The following AKAP13 variants were observed in gnomAD, a reference collection of about 807,000 sequenced individuals.
The protein encoded by AKAP13 is A-kinase anchoring protein 13.
A neutral mutation model predicts 264.5 loss-of-function variants in AKAP13; 80 were observed. The ratio of observed to expected loss-of-function variants is 0.30; its 90% CI spans 0.25 to 0.36. The LOEUF (loss-of-function observed/expected upper bound fraction) is 0.36, where lower values mean the gene tolerates loss of function less well. Ranked by LOEUF, AKAP13 falls within the 10% of genes least tolerant of loss-of-function variation. The pLI, the probability that AKAP13 is intolerant of heterozygous loss-of-function variation, is 1.00. For missense variants in AKAP13, 3,712 were observed against 3,435.2 expected (o/e 1.08, Z -2.01); for synonymous variants, 1,380 against 1,250.2 (o/e 1.10, Z -2.19).
chr15:85,417,605 G>A (rs907043353), intron 1 of AKAP13, among the ~76,000 whole-genome samples: 23 of 152,176 alleles, frequency 1.5e-4, no homozygotes, highest in African/African-American at 5.6e-4. Flanking sequence ...GATAAACTTT[G>A]TGAGATACTT....
intron 1 of AKAP13, among the ~76,000 whole-genome samples, chr15:85,454,645 G>GT (rs1028703534): frequency 1.3e-4 from 20 of 151,964 alleles, no homozygotes; most frequent in African/African-American, 4.8e-4. Flanking sequence ...CGTTTAAACT[G>GT]TTTAAAAAAA....
chr15:85,459,441 T>C (rs4843060), intron 1 of AKAP13, among the ~76,000 whole-genome samples: 120,734 of 149,724 alleles, frequency 0.81, 49,228 homozygotes, highest in African/African-American at 0.91. Context: ...TCAAGTGATC[T>C]GCCCGCCTTG....
intron 1 of AKAP13, among the ~76,000 whole-genome samples, chr15:85,466,831 G>T (rs1348986271): frequency 6.6e-6 from 1 of 152,158 alleles, no homozygotes; most frequent in Non-Finnish European, 1.5e-5. Context: ...GAAACTTAAA[G>T]ATCCTTTGAT....
At chr15:85,593,440 A>G (rs56292503) in intron 8 of AKAP13, among the ~76,000 whole-genome samples, 2,947 of 151,906 alleles carry the variant, frequency 0.019, 101 homozygotes, top group African/African-American at 0.068. Flanking sequence ...GGGTCTTGCT[A>G]TGTTGCAGAT....
intron 4 of AKAP13, among the ~76,000 whole-genome samples, chr15:85,540,248 G>A (rs750910335): frequency 4.6e-5 from 7 of 152,132 alleles, no homozygotes; most frequent in Non-Finnish European, 8.8e-5. Flanking sequence ...GGCTAGTGCT[G>A]TCCTCCACAG....
Position 85,579,699 on chromosome 15 carries a change from A to G in AKAP13, c.1631A>G (p.Asp544Gly), listed in dbSNP as rs2079117165. The change falls in exon 7 of 37, where the codon GAT becomes GGT. Residue 544 changes from aspartate to glycine, a missense_variant. By Grantham distance (94) the Asp-to-Gly change is moderately conservative. Transcript: ENST00000394518. ...TGTGCCCCTGCTGCCAGTTCCCTGGATGGTAACAAACCTGCTGAGTCTTCA... is the reference window on the plus strand; with the variant it reads ...TGTGCCCCTGCTGCCAGTTCCCTGGGTGGTAACAAACCTGCTGAGTCTTCA... ...PNCAPAASSL[D>G]GNKPAESSLA... is the part of the protein sequence containing the mutation. The G allele has an allele frequency of 6.2e-7, 1 of 1,614,138 alleles. No individual in the cohort carries two copies. Among genetic ancestry groups the G allele is most frequent in the Admixed American group, 1.7e-5 (1 of 60,014 alleles).
In AKAP13 at chr15:85,727,521, C is replaced by G; in HGVS notation, c.7087+58C>G. 1 of 1,583,476 alleles carries G rather than the reference C, an allele frequency of 6.3e-7. No individual in the cohort carries two copies. The highest frequency in any genetic ancestry group is 2.3e-5 in the East Asian group (1 of 43,862). On this transcript the variant is annotated intron_variant, in intron 29 of 36. Coordinates refer to ENST00000394518, the MANE Select transcript of AKAP13 (RefSeq NM_007200.5). This position sits in a 1 kb window ranked among gnomAD's most constrained non-coding sequence, Gnocchi z 5.3. ...CTGGAATGTCTGCAGTTGCAGAAGA[C>G]TGCTGGTGGATTTTAGAGGTACGGG...
chr15:85,527,959 T>C (rs2077131028), intron 3 of AKAP13, among the ~76,000 whole-genome samples: 1 of 152,254 alleles, frequency 6.6e-6, no homozygotes. Flanking sequence ...GGGACTGGGC[T>C]TGGCTGGCCC....
At chr15:85,500,554 C>A (rs905544904) in intron 2 of AKAP13, among the ~76,000 whole-genome samples, 24 of 152,130 alleles carry the variant, frequency 1.6e-4, no homozygotes, top group African/African-American at 5.8e-4. Flanking sequence ...ACATTGGGAA[C>A]ATTTATTTAT....
At chr15:85,697,521 G>A (rs774515926) in intron 17 of AKAP13, among the ~76,000 whole-genome samples, 30 of 151,990 alleles carry the variant, frequency 2.0e-4, no homozygotes, top group Non-Finnish European at 4.1e-4. Context: ...GTGAGCTGAG[G>A]TCGCGCCACT....
chr15:85,723,177 T>A lies in AKAP13; in HGVS notation c.6602T>A (p.Leu2201His), dbSNP rs747869813. Residue 2201 changes from leucine (L) to histidine (H), a missense_variant, in exon 26 of 37, where the codon CTC becomes CAC. This residue lies in a region of AKAP13 where 342 missense variants were observed against 484.3 expected (regional missense o/e 0.71). Transcript: ENST00000394518. ...KVASYEKKVR[L>H]NEIYTKTDSK... ...GCAAGTTATGAAAAGAAAGTGCGTC[T>A]CAATGAGATTTATACAAAGACAGAT... The A allele has an allele frequency of 6.2e-7, 1 of 1,614,194 alleles. No homozygotes were observed. The highest frequency in any genetic ancestry group is 1.1e-5 in the South Asian group (1 of 91,086).
At position 85,719,186 on chromosome 15, in the gene AKAP13, C is replaced by T. The variant is rs765296083; in HGVS notation, c.6112C>T (p.Leu2038=). Residue 2038 remains leucine (L), a synonymous_variant, in exon 23 of 37, where the codon CTG becomes TTG. Coordinates refer to ENST00000394518, the MANE Select transcript of AKAP13 (RefSeq NM_007200.5). ...LLFEQQMVEK[L]FPCLDELISI... ...TTTTGAGCAGCAGATGGTAGAAAAGCTGTTCCCCTGTTTGGATGAGCTGAT... is the reference window on the plus strand; with the variant it reads ...TTTTGAGCAGCAGATGGTAGAAAAGTTGTTCCCCTGTTTGGATGAGCTGAT... The T allele has an allele frequency of 3.1e-6, 5 of 1,614,160 alleles. No homozygotes were observed. The highest frequency in any genetic ancestry group is 2.5e-6 in the Non-Finnish European group (3 of 1,180,028).
intron 8 of AKAP13, among the ~76,000 whole-genome samples, chr15:85,601,608 T>TTTTGTGTGTGTGTG (rs369305957): frequency 1.6e-4 from 21 of 131,990 alleles, no homozygotes; most frequent in African/African-American, 5.7e-4. Flanking sequence ...CCTGAATTCT[T>TTTTGTGTGTGTGTG]TGTGTGTGTG....
chr15:85,730,608 G>C lies in AKAP13; in HGVS notation c.7183G>C (p.Glu2395Gln), dbSNP rs1252384143. The C allele has an allele frequency of 6.2e-7, 1 of 1,614,148 alleles. No homozygotes were observed. The highest frequency in any genetic ancestry group is 1.7e-5 in the Admixed American group (1 of 60,010). Residue 2395 changes from glutamate (E) to glutamine (Q), a missense_variant, in exon 30 of 37, where the codon GAG becomes CAG. Around this residue, in one of 3 missense-constraint regions of AKAP13, gnomAD observed 611 missense variants for 539.3 expected, o/e 1.13. Transcript: ENST00000394518. ...GGCTGAGTGCAGCACCCCTCTCCCAGAGGATTGCTCCCCAACACATAGCCC... is the reference window on the plus strand; with the variant it reads ...GGCTGAGTGCAGCACCCCTCTCCCACAGGATTGCTCCCCAACACATAGCCC... ...DMAECSTPLP[E>Q]DCSPTHSPRV...
chr15:85,403,088 G>T (rs1417152799), intron 1 of AKAP13, among the ~76,000 whole-genome samples: 1 of 152,098 alleles, frequency 6.6e-6, no homozygotes, highest in Non-Finnish European at 1.5e-5. Flanking sequence ...TTCCTTATCT[G>T]TTAGGTCCTC....
chr15:85,589,539 T>A (rs992061662), intron 8 of AKAP13, among the ~76,000 whole-genome samples: 1 of 151,382 alleles, frequency 6.6e-6, no homozygotes, highest in African/African-American at 2.4e-5. Context: ...GCGGATCACT[T>A]GAGGTCAGGA....
chr15:85,524,811 A>G (rs2076962521), intron 3 of AKAP13, among the ~76,000 whole-genome samples: 1 of 151,752 alleles, frequency 6.6e-6, no homozygotes, highest in Admixed American at 6.6e-5. Flanking sequence ...AATAAGTCCT[A>G]CAATGAAGTG....
chr15:85,576,088 T>G (rs1240230419), intron 6 of AKAP13, among the ~76,000 whole-genome samples: 1 of 152,196 alleles, frequency 6.6e-6, no homozygotes, highest in Non-Finnish European at 1.5e-5. Flanking sequence ...AGCATTAAGG[T>G]TGTAGCCGTA....
intron 5 of AKAP13, among the ~76,000 whole-genome samples, chr15:85,552,009 A>G (rs1186802951): frequency 6.6e-6 from 1 of 152,250 alleles, no homozygotes. Context: ...TAGAGAAACA[A>G]GAAAAAAACT....
Sources: gnomAD v4.1 joint callset for allele counts (sites outside exome capture counted in the v4.1 genomes callset) on GRCh38, gnomAD v4.1.1 for gene constraint, gnomAD v4.1.1 regional missense constraint, Gnocchi (gnomAD v3.1) non-coding constraint, MANE v1.5 for transcripts, NCBI Gene and HGNC (gene_info 2026-07-23, HGNC 2026-07-21) for gene names.